The following WWOX variants were observed in gnomAD, a reference collection of about 807,000 sequenced individuals.
The protein encoded by WWOX is WW domain containing oxidoreductase.
WWOX carries 69 observed loss-of-function variants against 46.2 expected under a neutral mutation model. That is an observed-to-expected ratio of 1.49 (90% confidence interval 1.23 to 1.82). The LOEUF (loss-of-function observed/expected upper bound fraction) is 1.82, where lower values mean the gene tolerates loss of function less well. Ranked by LOEUF, WWOX falls within the 40% of genes most tolerant of loss-of-function variation. WWOX has a pLI of 0.00. For missense variants in WWOX, 919 were observed against 542.6 expected (o/e 1.69, Z -6.89); for synonymous variants, 359 against 202.6 (o/e 1.77, Z -6.56).
At chr16:78,477,188 C>G (rs2084371588) in intron 8 of WWOX, among the ~76,000 whole-genome samples, 1 of 152,090 alleles carries the variant, frequency 6.6e-6, no homozygotes, top group Non-Finnish European at 1.5e-5. Flanking sequence ...AGAGTAGTCA[C>G]AGCAGTTGAT....
chr16:78,678,494 G>C (rs138278606), intron 8 of WWOX, among the ~76,000 whole-genome samples: 82 of 152,302 alleles, frequency 5.4e-4, no homozygotes, highest in African/African-American at 1.8e-3. Context: ...TCAGGGCCAC[G>C]TGCTGGTTGC....
chr16:78,111,645 C>T (rs1383851856), intron 3 of WWOX, among the ~76,000 whole-genome samples: 1 of 152,164 alleles, frequency 6.6e-6, no homozygotes, highest in Non-Finnish European at 1.5e-5. Flanking sequence ...ATTATCCAGG[C>T]CTGCCCACAG....
intron 8 of WWOX, among the ~76,000 whole-genome samples, chr16:78,726,428 C>T (rs1049421950): frequency 1.3e-5 from 2 of 152,022 alleles, no homozygotes; most frequent in Admixed American, 6.6e-5. Flanking sequence ...GCGGGGAGGT[C>T]TCCCTGTGTT....
chr16:78,761,587 G>A (rs865776975), intron 8 of WWOX, among the ~76,000 whole-genome samples: 15 of 152,098 alleles, frequency 9.9e-5, no homozygotes, highest in Middle Eastern at 3.4e-3. Flanking sequence ...CAGGACTCTC[G>A]CTGGTCTAGA....
chr16:78,650,866 A>G (rs1266670718), intron 8 of WWOX, among the ~76,000 whole-genome samples: 2 of 152,208 alleles, frequency 1.3e-5, no homozygotes, highest in Non-Finnish European at 2.9e-5. Context: ...TTTCGGATTT[A>G]TATTATTGCT....
chr16:78,220,402 A>G (rs1312308834), intron 5 of WWOX, among the ~76,000 whole-genome samples: 1 of 42,206 alleles, frequency 2.4e-5, no homozygotes, highest in African/African-American at 2.8e-4. Context: ...TGAATAACAA[A>G]CATATAACAA....
intron 8 of WWOX, among the ~76,000 whole-genome samples, chr16:78,874,553 T>A (rs1439660755): frequency 6.6e-6 from 1 of 152,114 alleles, no homozygotes; most frequent in East Asian, 1.9e-4. Context: ...TTGATGTTAT[T>A]CATGGCAAAA....
chr16:78,735,421 AC>A (rs1567524834), intron 8 of WWOX, among the ~76,000 whole-genome samples: 4 of 151,616 alleles, frequency 2.6e-5, no homozygotes, highest in African/African-American at 9.7e-5. Flanking sequence ...ACACACACAC[AC>A]ACACTAATAT....
At chr16:79,029,507 G>A (rs1343648861) in intron 8 of WWOX, among the ~76,000 whole-genome samples, 1 of 152,190 alleles carries the variant, frequency 6.6e-6, no homozygotes, top group Non-Finnish European at 1.5e-5. Context: ...TCTTGGGGCA[G>A]TGAGGACTTT....
At chr16:78,156,349 C>T (rs945888499) in intron 4 of WWOX, among the ~76,000 whole-genome samples, 3 of 152,156 alleles carry the variant, frequency 2.0e-5, no homozygotes, top group Admixed American at 1.3e-4. Context: ...GCTTTTCCCC[C>T]ACAGATTTCT....
chr16:78,412,798 A>G (rs982204719), intron 6 of WWOX, among the ~76,000 whole-genome samples: 17 of 152,188 alleles, frequency 1.1e-4, no homozygotes, highest in African/African-American at 3.9e-4. Flanking sequence ...GATGAGAAGT[A>G]GATTTGGGTC....
chr16:78,389,537 G>T (rs750858036), intron 6 of WWOX, among the ~76,000 whole-genome samples: 1 of 152,160 alleles, frequency 6.6e-6, no homozygotes, highest in Non-Finnish European at 1.5e-5. Flanking sequence ...TGGGCCATAC[G>T]TGGAAAATAT....
At chr16:78,471,135 A>G (rs2084210942) in intron 8 of WWOX, among the ~76,000 whole-genome samples, 1 of 152,208 alleles carries the variant, frequency 6.6e-6, no homozygotes, top group Non-Finnish European at 1.5e-5. Context: ...GGAAGAGGGA[A>G]AAGTCAAAAG....
chr16:78,195,721 C>G (rs1236626993), intron 5 of WWOX, among the ~76,000 whole-genome samples: 2 of 148,452 alleles, frequency 1.3e-5, no homozygotes, highest in Non-Finnish European at 3.0e-5. Context: ...AGTTGGGAGG[C>G]TGAGGCAGGA....
At chr16:78,651,639 C>G (rs1253276377) in intron 8 of WWOX, among the ~76,000 whole-genome samples, 52 of 152,206 alleles carry the variant, frequency 3.4e-4, no homozygotes, top group Non-Finnish European at 2.5e-4. Context: ...AGACCCAGCT[C>G]ATGTCCCCAG....
chr16:78,176,961 G>A (rs2035368636), intron 5 of WWOX, among the ~76,000 whole-genome samples: 1 of 152,182 alleles, frequency 6.6e-6, no homozygotes, highest in Non-Finnish European at 1.5e-5. Context: ...CATGGTCCCT[G>A]ACCTGCAGCA....
intron 8 of WWOX, among the ~76,000 whole-genome samples, chr16:78,951,522 A>T (rs1341096983): frequency 6.6e-6 from 1 of 152,116 alleles, no homozygotes; most frequent in Non-Finnish European, 1.5e-5. Flanking sequence ...ACAGTAAAGA[A>T]GTCATGTTAT....
intron 8 of WWOX, among the ~76,000 whole-genome samples, chr16:79,200,215 T>C (rs960817906): frequency 1.1e-4 from 16 of 152,014 alleles, no homozygotes; most frequent in African/African-American, 3.9e-4. Flanking sequence ...TTTTAGGCAC[T>C]AGAAATGGAG....
chr16:78,264,645 C>G (rs969257550), intron 5 of WWOX: 8 of 152,220 alleles, frequency 5.3e-5, no homozygotes, highest in African/African-American at 1.9e-4. Context: ...AACACCCACC[C>G]AATTTCTTGA....
Sources: allele counts gnomAD v4.1 joint callset (sites outside exome capture counted in the v4.1 genomes callset), GRCh38; gene constraint gnomAD v4.1.1; transcripts MANE v1.5; gene names NCBI Gene and HGNC (gene_info 2026-07-23, HGNC 2026-07-21).